SDHA: variants seen among roughly 807,000 people sequenced by gnomAD.
SDHA encodes the protein succinate dehydrogenase [ubiquinone] flavoprotein subunit, mitochondrial.
Under a neutral mutation model 78.4 loss-of-function variants are expected in SDHA, and 48 were observed. That is an observed-to-expected ratio of 0.61 (90% CI 0.49 to 0.78). SDHA has a LOEUF of 0.78. Ranked by LOEUF, SDHA falls within the 30% of genes least tolerant of loss-of-function variation. The pLI is 0.00. For synonymous variants in SDHA, 326 were observed against 353.9 expected (o/e 0.92, Z 0.88); for missense variants, 680 against 892.7 (o/e 0.76, Z 3.04).
rs147444427 is a variant in SDHA, at chr5:225,978, G to A, written c.552G>A (p.Gly184=). The change falls in exon 5 of 15, where the codon GGG becomes GGA. Residue 184 remains glycine, a synonymous_variant. Coordinates refer to ENST00000264932, the MANE Select transcript of SDHA (RefSeq NM_004168.4). ...GGQSLKFGKG[G]QAHRCCCVAD... is the part of the protein sequence containing the mutation. ...AGAGCCTCAAGTTTGGAAAGGGCGG[G>A]CAGGCCCATCGGTGCTGCTGTGTGG... 1.8e-5 allele frequency: 29 copies of A among 1,614,142 alleles called. 1 individual carries two copies. In the African/African-American group the frequency reaches 2.7e-4, roughly 15 times the overall value.
chr5:266,015 C>A, the SDHA span, among the ~76,000 whole-genome samples: 2 of 94,626 alleles, frequency 2.1e-5, no homozygotes, highest in East Asian at 4.3e-4. Flanking sequence ...GAACCCCACC[C>A]CAGACCTTCC....
intron 1 of SDHA, among the ~76,000 whole-genome samples, chr5:222,458 C>T (rs931265826): frequency 6.6e-6 from 1 of 151,530 alleles, no homozygotes; most frequent in Non-Finnish European, 1.5e-5. Flanking sequence ...AGCGATTCTC[C>T]TGCCTCAGCC....
intron 11 of SDHA, among the ~76,000 whole-genome samples, chr5:244,006 A>G (rs1235435274): frequency 2.0e-5 from 3 of 152,218 alleles, no homozygotes; most frequent in Non-Finnish European, 4.4e-5. Flanking sequence ...AGCCTGAAAT[A>G]TGTCCAAAAT....
intron 8 of SDHA, 111 bp from the exon 9 acceptor site, chr5:235,033 T>G (rs1243406922): frequency 9.1e-7 from 1 of 1,099,338 alleles, no homozygotes; most frequent in Admixed American, 1.7e-5. Context: ...GAGGGGAAAT[T>G]TTCCTCAGTA....
intron 11 of SDHA, among the ~76,000 whole-genome samples, chr5:243,643 A>G (rs1255420257): frequency 6.6e-6 from 1 of 152,216 alleles, no homozygotes; most frequent in African/African-American, 2.4e-5. Context: ...CGCTGATTTT[A>G]TAGCTCGGTT....
intron 11 of SDHA, 145 bp downstream of exon 11, chr5:240,621 C>T: frequency 1.4e-6 from 1 of 691,888 alleles, no homozygotes; most frequent in Non-Finnish European, 2.7e-6. Flanking sequence ...CTGGGCTTTT[C>T]ATGTACCCGT....
At chr5:259,183 T>C (rs370874470), downstream of SDHA, among the ~76,000 whole-genome samples, 6 of 42,550 alleles carry the variant, frequency 1.4e-4, no homozygotes, top group African/African-American at 4.2e-4. Flanking sequence ...CCGCCTCCCG[T>C]CAGAGCATTA....
At chr5:256,167 A>G (rs1422439590) in intron 14 of SDHA, among the ~76,000 whole-genome samples, 167 bp from the exon 15 acceptor site, 1 of 152,262 alleles carries the variant, frequency 6.6e-6, no homozygotes, top group African/African-American at 2.4e-5. Context: ...GGTATAGACA[A>G]GGGTTCTCCC....
In SDHA at chr5:237,853, G is replaced by A. The variant is rs577508958; in HGVS notation, c.1432+1254G>A. Reference sequence around the variant, plus strand: ...CTGTCTCTGGATCTGACCACCGCTCGGGAGGCCAGCACACGCAGAGCTGGC... The same window carrying A: ...CTGTCTCTGGATCTGACCACCGCTCAGGAGGCCAGCACACGCAGAGCTGGC... On this transcript the variant is annotated intron_variant, in intron 10 of 14. Transcript: ENST00000264932. Among the ~76,000 whole-genome samples the A allele has an allele frequency of 5.7e-4, 78 of 137,226 alleles. 7 individuals are homozygous for A. The highest frequency in any genetic ancestry group is 2.0e-3 in the African/African-American group (58 of 29,394). The allele number at this position is 137,226 out of a possible 152,430, so 90.0% of individuals were successfully genotyped here. A position where few individuals can be genotyped will look rare whatever the true frequency, so the allele number is the denominator to read the frequency against.
intron 1 of SDHA, among the ~76,000 whole-genome samples, chr5:218,734 C>T (rs559186578): frequency 2.6e-5 from 4 of 152,346 alleles, no homozygotes; most frequent in South Asian, 2.1e-4. Flanking sequence ...TGAGGTAGCC[C>T]CTCGCCTCAG....
chr5:263,677 C>T, the SDHA span, among the ~76,000 whole-genome samples: 1 of 152,162 alleles, frequency 6.6e-6, no homozygotes, highest in African/African-American at 2.4e-5. Flanking sequence ...AAATTTCTCA[C>T]CTGTGTGATT....
chr5:219,919 T>C (rs1734618015), intron 1 of SDHA, among the ~76,000 whole-genome samples: 1 of 152,250 alleles, frequency 6.6e-6, no homozygotes, highest in South Asian at 2.1e-4. Context: ...TTGATGAAGT[T>C]AGCTTTTCCT....
chr5:259,373 C>T (rs1253567748), downstream of SDHA, among the ~76,000 whole-genome samples: 5 of 57,530 alleles, frequency 8.7e-5, no homozygotes, highest in Admixed American at 8.1e-4. Context: ...CTCCGCCCCC[C>T]GCCACAGCAT....
intron 10 of SDHA, 70 bp from the exon 11 acceptor site, chr5:240,287 TG>T: frequency 1.1e-6 from 1 of 930,504 alleles, no homozygotes; most frequent in Non-Finnish European, 1.7e-6. Flanking sequence ...CATGTTTGTG[TG>T]TCATTCTAAA....
intron 8 of SDHA, chr5:234,195 A>G (rs7714803): frequency 0.23 from 38,003 of 166,578 alleles, 6,979 homozygotes; most frequent in African/African-American, 0.52. Context: ...TGAAGCGGGC[A>G]GATCAGGAGG....
intron 12 of SDHA, 42 bp downstream of exon 12, chr5:251,145 C>T (rs2126632630): frequency 1.3e-6 from 2 of 1,596,116 alleles, no homozygotes; most frequent in Admixed American, 1.7e-5. Flanking sequence ...TGGGCCCTTC[C>T]TTCTGCAGGG....
At chr5:237,348 T>G (rs1462480812) in intron 10 of SDHA, among the ~76,000 whole-genome samples, 1 of 134,542 alleles carries the variant, frequency 7.4e-6, no homozygotes, top group Admixed American at 7.2e-5. Context: ...TAGCCTCTAT[T>G]AGAGGAGAAG....
At chr5:261,517 G>A (rs1421252584), downstream of SDHA, among the ~76,000 whole-genome samples, 1 of 34,354 alleles carries the variant, frequency 2.9e-5, no homozygotes, top group Non-Finnish European at 5.6e-5. Flanking sequence ...TCCGCCTCCC[G>A]TCACAGCATT....
At chr5:219,206 G>A (rs151053826) in intron 1 of SDHA, among the ~76,000 whole-genome samples, 1 of 152,232 alleles carries the variant, frequency 6.6e-6, no homozygotes, top group Non-Finnish European at 1.5e-5. Flanking sequence ...TGTGCGCTGA[G>A]TGCCTCTAGG....
Sources: gnomAD v4.1 joint callset for allele counts (sites outside exome capture counted in the v4.1 genomes callset) on GRCh38, gnomAD v4.1.1 for gene constraint, MANE v1.5 for transcripts, NCBI Gene and HGNC (gene_info 2026-07-23, HGNC 2026-07-21) for gene names.